The following SUPT3H variants were observed in gnomAD, a reference collection of about 807,000 sequenced individuals.
SUPT3H encodes the protein SPT3 homolog, SAGA and STAGA complex component, also known as transcription initiation protein SPT3 homolog.
Under a neutral mutation model 44.3 loss-of-function variants are expected in SUPT3H, and 44 were observed. That is an observed-to-expected ratio of 0.99 (90% CI 0.78 to 1.28). The LOEUF is 1.28. Among genes scored for constraint, SUPT3H ranks in the 50% most tolerant of loss-of-function variants. SUPT3H has a pLI of 0.00. For synonymous variants in SUPT3H, 124 were observed against 125.6 expected, an observed-to-expected ratio of 0.99 and a Z score of 0.09; for missense variants, 380 against 387.1, an observed-to-expected ratio of 0.98 and a Z score of 0.15.
intron 6 of SUPT3H, among the ~76,000 whole-genome samples, chr6:44,990,799 G>A (rs899971633): frequency 2.0e-5 from 3 of 151,908 alleles, no homozygotes; most frequent in African/African-American, 2.4e-5. Context: ...AGATATTTGT[G>A]TATGTATTAA....
At chr6:45,142,067 A>G (rs934094392) in intron 2 of SUPT3H, among the ~76,000 whole-genome samples, 1 of 152,208 alleles carries the variant, frequency 6.6e-6, no homozygotes, top group Non-Finnish European at 1.5e-5. Flanking sequence ...AAACCTTACA[A>G]GCCAGAAAAG....
chr6:45,021,329 A>G (rs72867449), intron 3 of SUPT3H, among the ~76,000 whole-genome samples: 1 of 151,948 alleles, frequency 6.6e-6, no homozygotes, highest in African/African-American at 2.4e-5. Flanking sequence ...TCAGGAATTC[A>G]TAAGTCCTAG....
intron 2 of SUPT3H, among the ~76,000 whole-genome samples, chr6:45,258,901 T>C (rs934578463): frequency 3.3e-5 from 5 of 152,120 alleles, no homozygotes; most frequent in African/African-American, 1.2e-4. Context: ...ATAACAAAAA[T>C]TTTTGTTCAT....
chr6:45,301,738 C>T (rs193048870), intron 2 of SUPT3H, among the ~76,000 whole-genome samples: 2 of 152,234 alleles, frequency 1.3e-5, no homozygotes, highest in African/African-American at 4.8e-5. Context: ...TTTATATTAT[C>T]GGTATGTGGC....
At chr6:45,340,172 GT>G (rs1328228889) in intron 2 of SUPT3H, among the ~76,000 whole-genome samples, 9 of 152,196 alleles carry the variant, frequency 5.9e-5, no homozygotes, top group Admixed American at 4.6e-4. Context: ...TTATTCTAAA[GT>G]TATTAAACCA....
chr6:44,932,255 A>G (rs1770703124), intron 10 of SUPT3H, among the ~76,000 whole-genome samples: 1 of 152,218 alleles, frequency 6.6e-6, no homozygotes, highest in South Asian at 2.1e-4. Context: ...TTCTTCTTCC[A>G]ACTAAAAGCA....
chr6:45,211,572 C>T (rs1054953931), intron 2 of SUPT3H, among the ~76,000 whole-genome samples: 4 of 152,090 alleles, frequency 2.6e-5, no homozygotes, highest in Admixed American at 1.3e-4. Flanking sequence ...AATTCTGGGC[C>T]AGGCGTGGTG....
At chr6:45,089,606 T>G (rs1044204460) in intron 3 of SUPT3H, among the ~76,000 whole-genome samples, 3 of 152,054 alleles carry the variant, frequency 2.0e-5, no homozygotes, top group African/African-American at 7.2e-5. Context: ...ATCTCTGACT[T>G]GCTCTCCCTT....
rs759349466 is a variant in SUPT3H, at chr6:45,376,789, T to C, written c.-1+979A>G. On this transcript the variant is annotated intron_variant, in intron 1 of 10. Transcript: ENST00000371459. Reference sequence around the variant, plus strand: ...GTAAATCTTTGCAGGGCGAATTTAATTCCTCTTCCAGAGTCTGCCCTTCAC... The same window carrying C: ...GTAAATCTTTGCAGGGCGAATTTAACTCCTCTTCCAGAGTCTGCCCTTCAC... Among the ~76,000 whole-genome samples, 104 of 152,032 alleles carry C rather than the reference T, an allele frequency of 6.8e-4. 1 individual carries two copies. The highest frequency in any genetic ancestry group is 1.4e-3 in the Non-Finnish European group (94 of 68,024).
Position 44,874,904 on chromosome 6 carries a change from G to A in SUPT3H, c.913-45047C>T, listed in dbSNP as rs1458220095. Among the ~76,000 whole-genome samples the A allele has an allele frequency of 5.5e-5, 8 of 145,662 alleles. No homozygotes were observed. The South Asian group carries it at 1.2e-3, about 22-fold the overall frequency. Reference sequence around the variant, plus strand: ...CACGAGTGAACTCCCATTCACAATTGCTTCAAAGAGAATAAAATACCTAGG... The same window carrying A: ...CACGAGTGAACTCCCATTCACAATTACTTCAAAGAGAATAAAATACCTAGG... On this transcript the variant is annotated intron_variant, in intron 10 of 10. Transcript: ENST00000371459.
intron 2 of SUPT3H, chr6:45,322,902 TC>T: frequency 6.2e-7 from 1 of 1,613,094 alleles, no homozygotes; most frequent in Non-Finnish European, 8.5e-7. Context: ...AGAACGTTGT[TC>T]CAAAGACCAC....
intron 2 of SUPT3H, among the ~76,000 whole-genome samples, chr6:45,304,205 T>C (rs1046567902): frequency 2.0e-5 from 3 of 152,132 alleles, no homozygotes; most frequent in Admixed American, 1.3e-4. Context: ...CAGCAATATC[T>C]AATAATTATA....
Position 45,014,871 on chromosome 6 carries a change from T to C in SUPT3H, c.294A>G (p.Leu98=), listed in dbSNP as rs1784016085. ...TGTAGTCTCGGATAAACATGTATTT[T>C]AGCAGTCTTCTAAGTTTTTTCTATT... ...RKDKKKLRRL[L]KYMFIRDYKS... Residue 98 remains leucine, a synonymous_variant, in exon 5 of 11, where the codon CTA becomes CTG. Coordinates refer to ENST00000371459, the MANE Select transcript of SUPT3H (RefSeq NM_003599.4). 1 of 1,580,896 alleles carries C rather than the reference T, an allele frequency of 6.3e-7. No individual in the cohort carries two copies. The highest frequency in any genetic ancestry group is 1.4e-5 in the African/African-American group (1 of 73,702).
chr6:45,039,733 C>T (rs750773875), intron 3 of SUPT3H, among the ~76,000 whole-genome samples: 7 of 151,290 alleles, frequency 4.6e-5, no homozygotes, highest in African/African-American at 9.7e-5. Flanking sequence ...TGCAGTGAGC[C>T]GAGATTGCAC....
chr6:45,107,295 A>T (rs1190885478), intron 2 of SUPT3H, among the ~76,000 whole-genome samples: 3 of 152,230 alleles, frequency 2.0e-5, no homozygotes, highest in Admixed American at 2.0e-4. Context: ...GCATCTACCT[A>T]ATCACAGTAA....
intron 10 of SUPT3H, among the ~76,000 whole-genome samples, chr6:44,895,476 G>T (rs1005351370): frequency 6.6e-6 from 1 of 152,128 alleles, no homozygotes; most frequent in Admixed American, 6.5e-5. Flanking sequence ...ACCAAAGGCA[G>T]CACTGTTTGG....
At chr6:44,835,837 G>C (rs1272317409) in intron 10 of SUPT3H, among the ~76,000 whole-genome samples, 1 of 152,136 alleles carries the variant, frequency 6.6e-6, no homozygotes, top group East Asian at 1.9e-4. Flanking sequence ...ACTATGCCAA[G>C]TTGTCTCAAA....
At chr6:44,987,330 C>T (rs1436688233) in intron 6 of SUPT3H, among the ~76,000 whole-genome samples, 17 of 151,764 alleles carry the variant, frequency 1.1e-4, no homozygotes. Context: ...GTCCATAGCC[C>T]CTTTTTATGG....
chr6:45,132,405 T>C (rs989133572), intron 2 of SUPT3H, among the ~76,000 whole-genome samples: 11 of 152,172 alleles, frequency 7.2e-5, no homozygotes, highest in Non-Finnish European at 1.0e-4. Flanking sequence ...CTTTTAAACA[T>C]TTTCCCTACT....
Sources: allele counts gnomAD v4.1 joint callset (sites outside exome capture counted in the v4.1 genomes callset), GRCh38; gene constraint gnomAD v4.1.1; transcripts MANE v1.5; gene names NCBI Gene and HGNC (gene_info 2026-07-23, HGNC 2026-07-21).